Variants in TCFL5 observed in about 807,000 individuals in gnomAD.
TCFL5 encodes the protein transcription factor like 5.
Under a neutral mutation model 44.3 loss-of-function variants are expected in TCFL5, and 9 were observed. The observed-to-expected ratio is 0.20, with a 90% CI of 0.12 to 0.35. TCFL5 has a LOEUF of 0.35. Among genes scored for constraint, TCFL5 ranks in the 10% least tolerant of loss-of-function variants. The pLI, the probability that TCFL5 is intolerant of heterozygous loss-of-function variation, is 1.00. For synonymous variants in TCFL5, 319 were observed against 271.6 expected (o/e 1.17, Z -1.72); for missense variants, 603 against 613.4 (o/e 0.98, Z 0.18).
At chr20:62,856,578 C>T (rs981401738) in intron 4 of TCFL5, among the ~76,000 whole-genome samples, 2 of 151,466 alleles carry the variant, frequency 1.3e-5, no homozygotes, top group East Asian at 3.9e-4. Context: ...TGGTGGCAGG[C>T]GCCTGTAGTC....
rs2064000493 is a variant in TCFL5 at position 62,861,254 on chromosome 20, C to G, written c.417G>C (p.Ala139=). 6 of 1,200,560 alleles carry G rather than the reference C, an allele frequency of 5.0e-6. No individual in the cohort carries two copies. Among genetic ancestry groups the G allele is most frequent in the Non-Finnish European group, 6.3e-6 (6 of 949,290 alleles). 74.4% of individuals were successfully genotyped at this position (1,200,560 alleles called of 1,614,324 possible). A position where few individuals can be genotyped will look rare whatever the true frequency, so the allele number is the denominator to read the frequency against. Residue 139 remains alanine, a synonymous_variant, in exon 1 of 6, where the codon GCG becomes GCC. Coordinates refer to ENST00000335351, the MANE Select transcript of TCFL5 (RefSeq NM_006602.4). This position sits in a 1 kb window ranked among gnomAD's most constrained non-coding sequence, Gnocchi z 4.0. ...LRMMLLSEAG[A]AEKTSGGGDG... ...CCCCGCCGCCCGACGTCTTCTCCGCCGCGCCCGCCTCGCTTAGCAGCATCA... is the reference window on the plus strand; with the variant it reads ...CCCCGCCGCCCGACGTCTTCTCCGCGGCGCCCGCCTCGCTTAGCAGCATCA...
chr20:62,854,941 G>C (rs1187521686), intron 4 of TCFL5, among the ~76,000 whole-genome samples: 1 of 152,140 alleles, frequency 6.6e-6, no homozygotes, highest in Non-Finnish European at 1.5e-5. Context: ...TTACACATCA[G>C]CTCACTGAAC....
chr20:62,841,800 G>A lies in TCFL5; in HGVS notation c.*175C>T, dbSNP rs1430165553. ...AGGACATTCATGGATAAGCATTTGC[G>A]TCTAGATAAATATTTTTACAAAATG... On this transcript the variant is annotated 3_prime_UTR_variant, in exon 6 of 6. Coordinates refer to ENST00000335351, the MANE Select transcript of TCFL5 (RefSeq NM_006602.4). 7 of 671,922 alleles carry A rather than the reference G, an allele frequency of 1.0e-5. 1 individual carries two copies. The highest frequency in any genetic ancestry group is 6.2e-5 in the South Asian group (2 of 32,226). The allele number at this position is 671,922 out of a possible 1,614,324, so 41.6% of individuals were successfully genotyped here.
At chr20:62,850,065 A>G (rs779234139) in intron 5 of TCFL5, among the ~76,000 whole-genome samples, 14 of 152,210 alleles carry the variant, frequency 9.2e-5, no homozygotes, top group South Asian at 2.1e-4. Context: ...AGAGGATATG[A>G]AAAAGACTTA....
chr20:62,845,642 C>T (rs1287392586), intron 5 of TCFL5: 2 of 1,604,308 alleles, frequency 1.2e-6, no homozygotes, highest in East Asian at 4.5e-5. Context: ...GGGCGTCACC[C>T]CTTCAGCAAC....
chr20:62,849,771 A>G (rs1341294293), intron 5 of TCFL5, among the ~76,000 whole-genome samples: 1 of 152,076 alleles, frequency 6.6e-6, no homozygotes, highest in African/African-American at 2.4e-5. Context: ...CCAGCCTGTG[A>G]AACATGGCAA....
intron 5 of TCFL5, chr20:62,852,082 G>A (rs562015410): frequency 3.0e-6 from 3 of 985,426 alleles, no homozygotes; most frequent in Middle Eastern, 5.2e-4. Flanking sequence ...TGGGATCACA[G>A]GCATGAGTCA....
intron 3 of TCFL5, among the ~76,000 whole-genome samples, chr20:62,858,916 C>T (rs926627762): frequency 1.3e-4 from 20 of 151,984 alleles, no homozygotes; most frequent in African/African-American, 4.1e-4. Flanking sequence ...ACTTTATTTC[C>T]AAACTTTCCG....
At chr20:62,847,900 C>T (rs1342317483) in intron 5 of TCFL5, among the ~76,000 whole-genome samples, 4 of 152,216 alleles carry the variant, frequency 2.6e-5, no homozygotes, top group African/African-American at 9.6e-5. Flanking sequence ...GCATGGGAGG[C>T]CATGATCACA....
chr20:62,854,644 C>A (rs1159694471), intron 4 of TCFL5, among the ~76,000 whole-genome samples: 1 of 152,210 alleles, frequency 6.6e-6, no homozygotes, highest in Non-Finnish European at 1.5e-5. Context: ...GGCCCTGATT[C>A]AGAAAGGATC....
chr20:62,861,047 G>A lies in TCFL5; in HGVS notation c.624C>T (p.Pro208=). The A allele has an allele frequency of 1.0e-6, 1 of 994,936 alleles. No individual in the cohort carries two copies. Among genetic ancestry groups the A allele is most frequent in the Non-Finnish European group, 1.2e-6 (1 of 837,724 alleles). The allele number at this position is 994,936 out of a possible 1,614,324, so 61.6% of individuals were successfully genotyped here. Residue 208 remains proline, a synonymous_variant, in exon 1 of 6, where the codon CCC becomes CCT. Coordinates refer to ENST00000335351, the MANE Select transcript of TCFL5 (RefSeq NM_006602.4). This position sits in a 1 kb window ranked among gnomAD's most constrained non-coding sequence, Gnocchi z 4.0. ...ACTTGTTGAGCGCCCCGCCCGGCTC[G>A]GGGGGCTCGGGGCCGCGCGGCGCGG... ...PPPAPRGPEP[P]EPGGALNNLV...
rs1000717848 is a variant in TCFL5 at position 62,841,310 on chromosome 20, CCA to C, written c.*663_*664del. 2.6e-5 allele frequency: 4 copies of C among 154,074 alleles called. No homozygotes were observed. The highest frequency in any genetic ancestry group is 4.3e-5 in the Non-Finnish European group (3 of 69,390). 9.5% of individuals were successfully genotyped at this position (154,074 alleles called of 1,614,324 possible). On this transcript the variant is annotated 3_prime_UTR_variant, in exon 6 of 6. Transcript: ENST00000335351. ...TCATTGAAAAACCCAATTCCAAACA[CCA>C]CAGTTTGTGACACATGAAGTAATGA...
Position 62,842,168 on chromosome 20 carries a change from A to G in TCFL5, c.1381-71T>C. 1 of 1,592,854 alleles carries G rather than the reference A, an allele frequency of 6.3e-7. No individual in the cohort carries two copies. Among genetic ancestry groups the G allele is most frequent in the African/African-American group, 1.3e-5 (1 of 74,412 alleles). On this transcript the variant is annotated intron_variant, in intron 5 of 5. Transcript: ENST00000335351. This position sits in a 1 kb window ranked among gnomAD's most constrained non-coding sequence, Gnocchi z 4.3. The stretch of plus-strand genomic sequence containing the variant: ...AAAACTGCTGTCTTCCAAAGTGCAA[A>G]AGGTTCAAATTAAGAGCTAAGTAAA...
chr20:62,852,701 C>A (rs1407056847), intron 5 of TCFL5: 1 of 984,378 alleles, frequency 1.0e-6, no homozygotes, highest in Admixed American at 6.2e-5. Flanking sequence ...TACAGTCACC[C>A]GGTCCACAGA....
At chr20:62,856,390 T>C (rs1033191233) in intron 4 of TCFL5, among the ~76,000 whole-genome samples, 3 of 151,708 alleles carry the variant, frequency 2.0e-5, no homozygotes, top group Non-Finnish European at 2.9e-5. Context: ...TTTAACCTCT[T>C]CCTTCCCAGC....
rs1447640353 is a variant in TCFL5, at chr20:62,861,398, C to A, written c.273G>T (p.Ala91=). The change falls in exon 1 of 6, where the codon GCG becomes GCT. Residue 91 remains alanine, a synonymous_variant. Transcript: ENST00000335351. This position sits in a 1 kb window ranked among gnomAD's most constrained non-coding sequence, Gnocchi z 4.0. ...CCTGACCGCCCGCCGCGAAGCCGCCCGCGCCTGCGCCCGGGCCCGCCGCCG... is the reference window on the plus strand; with the variant it reads ...CCTGACCGCCCGCCGCGAAGCCGCCAGCGCCTGCGCCCGGGCCCGCCGCCG... The part of the protein sequence containing the change: ...LLAAAGPGAG[A]GGFAAGGQGG... 1.7e-5 allele frequency: 18 copies of A among 1,086,402 alleles called. No homozygotes were observed. Among genetic ancestry groups the A allele is most frequent in the Middle Eastern group, 3.6e-4 (1 of 2,764 alleles). 67.3% of individuals were successfully genotyped at this position (1,086,402 alleles called of 1,614,324 possible).
intron 4 of TCFL5, 65 bp from the exon 5 acceptor site, chr20:62,854,222 C>G: frequency 6.3e-7 from 1 of 1,585,244 alleles, no homozygotes; most frequent in East Asian, 2.2e-5. Flanking sequence ...TAAAAGGAAG[C>G]GTCTCCTGTA....
intron 5 of TCFL5, chr20:62,845,636 GTCA>G (rs145506507): frequency 0.036 from 58,166 of 1,602,418 alleles, 1,849 homozygotes; most frequent in African/African-American, 0.16. Context: ...CTGCTGGGGC[GTCA>G]CCCCTTCAGC....
chr20:62,857,600 T>C lies in TCFL5; in HGVS notation c.1033A>G (p.Ser345Gly), dbSNP rs935203351. The C allele has an allele frequency of 6.2e-7, 1 of 1,614,114 alleles. No homozygotes were observed. Among genetic ancestry groups the C allele is most frequent in the Non-Finnish European group, 8.5e-7 (1 of 1,180,046 alleles). The change falls in exon 4 of 6, where the codon AGT becomes GGT. Residue 345 changes from serine (S) to glycine (G), a missense_variant. Physicochemically the swap from Ser to Gly is moderately conservative, Grantham distance 56. Transcript: ENST00000335351. ...TTTGTGTCCAACTGACGCATTCTAC[T>C]CCGATTCCTCTTCAGTGCTTGTTTG... Reference protein sequence around the residue: ...LCKQALKRNRSRMRQLDTNVE... With the variant: ...LCKQALKRNRGRMRQLDTNVE...
Sources: allele counts gnomAD v4.1 joint callset (sites outside exome capture counted in the v4.1 genomes callset), GRCh38; gene constraint gnomAD v4.1.1; non-coding constraint Gnocchi (gnomAD v3.1); transcripts MANE v1.5; gene names NCBI Gene and HGNC (gene_info 2026-07-23, HGNC 2026-07-21).